The following STX8 variants were observed in gnomAD, a reference collection of about 807,000 sequenced individuals.
STX8 encodes the protein syntaxin-8.
Under a neutral mutation model 37.5 loss-of-function variants are expected in STX8, and 23 were observed. The observed-to-expected ratio is 0.61, with a 90% CI of 0.44 to 0.87. STX8 has a LOEUF of 0.87. Among genes scored for constraint, STX8 ranks in the 40% least tolerant of loss-of-function variants. The pLI is 0.00. For synonymous variants in STX8, 115 were observed against 99.1 expected, an observed-to-expected ratio of 1.16 and a Z score of -0.95; for missense variants, 313 against 284.7, an observed-to-expected ratio of 1.10 and a Z score of -0.71.
At chr17:9,450,599 A>G (rs1342047190) in intron 6 of STX8, among the ~76,000 whole-genome samples, 1 of 151,708 alleles carries the variant, frequency 6.6e-6, no homozygotes, top group Non-Finnish European at 1.5e-5. Context: ...GACTTCCTCT[A>G]ATTTTTACCG....
intron 7 of STX8, among the ~76,000 whole-genome samples, chr17:9,256,709 G>C: frequency 6.6e-6 from 1 of 152,318 alleles, no homozygotes; most frequent in African/African-American, 2.4e-5. Context: ...GGCAGAGGCA[G>C]GGAAGAGCTG....
intron 6 of STX8, among the ~76,000 whole-genome samples, chr17:9,460,260 A>G (rs147260493): frequency 6.6e-6 from 1 of 152,352 alleles, no homozygotes; most frequent in East Asian, 1.9e-4. Context: ...CCCTCACTCC[A>G]CAATCATATC....
chr17:9,387,902 C>A (rs1912072484), intron 6 of STX8, among the ~76,000 whole-genome samples: 1 of 152,038 alleles, frequency 6.6e-6, no homozygotes, highest in South Asian at 2.1e-4. Context: ...TATAAATATT[C>A]ATAATATGAC....
chr17:9,462,081 G>T (rs1353358127), intron 6 of STX8, among the ~76,000 whole-genome samples: 4 of 152,178 alleles, frequency 2.6e-5, no homozygotes, highest in Non-Finnish European at 5.9e-5. Flanking sequence ...CTCCTGCTGT[G>T]CAACCTGGTT....
At chr17:9,388,367 C>T (rs1379477035) in intron 6 of STX8, among the ~76,000 whole-genome samples, 4 of 151,390 alleles carry the variant, frequency 2.6e-5, no homozygotes, top group African/African-American at 9.7e-5. Flanking sequence ...CCACCATGCC[C>T]GGCCTAAACA....
intron 6 of STX8, among the ~76,000 whole-genome samples, chr17:9,436,703 T>A (rs941071509): frequency 2.0e-5 from 3 of 152,198 alleles, no homozygotes; most frequent in Admixed American, 2.0e-4. Flanking sequence ...CTGAAAGATG[T>A]TTGGCCTGTA....
chr17:9,572,489 A>G (rs1327797236), intron 1 of STX8, among the ~76,000 whole-genome samples: 1 of 152,168 alleles, frequency 6.6e-6, no homozygotes, highest in African/African-American at 2.4e-5. Context: ...GGCTCACTGC[A>G]ACCTCCACCT....
intron 7 of STX8, among the ~76,000 whole-genome samples, chr17:9,254,174 G>A (rs117150385): frequency 0.011 from 1,734 of 152,290 alleles, 15 homozygotes; most frequent in South Asian, 0.022. Flanking sequence ...CACTCTGCGC[G>A]CTGTGTTTGA....
intron 6 of STX8, among the ~76,000 whole-genome samples, chr17:9,430,474 T>C (rs910849693): frequency 1.3e-5 from 2 of 151,752 alleles, no homozygotes; most frequent in African/African-American, 4.8e-5. Flanking sequence ...AATCATACAA[T>C]ATTTGTCTTT....
At chr17:9,250,765 G>A (rs1368078782) in intron 7 of STX8, 120 bp from the exon 8 acceptor site, 8 of 1,034,254 alleles carry the variant, frequency 7.7e-6, no homozygotes, top group South Asian at 4.2e-5. Context: ...CAGTTTGTAC[G>A]AAGTGGAGAG....
chr17:9,506,501 A>G (rs541915025), intron 4 of STX8, among the ~76,000 whole-genome samples: 2 of 146,466 alleles, frequency 1.4e-5, no homozygotes, highest in Non-Finnish European at 3.0e-5. Context: ...GCTGAACTGC[A>G]GTGGGGAAGT....
At chr17:9,562,378 C>T (rs1446546445) in intron 2 of STX8, among the ~76,000 whole-genome samples, 3 of 151,534 alleles carry the variant, frequency 2.0e-5, no homozygotes, top group Non-Finnish European at 4.4e-5. Context: ...CGCACTCCAG[C>T]CTGGGCGACA....
At chr17:9,535,424 C>CT (rs35962202) in intron 4 of STX8, among the ~76,000 whole-genome samples, 28,493 of 50,588 alleles carry the variant, frequency 0.56, 11,604 homozygotes, top group Non-Finnish European at 0.65. Context: ...AGCCATCCTA[C>CT]TTTTTTTTTT....
chr17:9,509,525 T>A (rs1162644205), intron 4 of STX8, among the ~76,000 whole-genome samples: 1 of 152,060 alleles, frequency 6.6e-6, no homozygotes, highest in Non-Finnish European at 1.5e-5. Flanking sequence ...TAGACCAGTC[T>A]TACAAGAAGT....
At position 9,378,401 on chromosome 17, in the gene STX8, T is replaced by C. The variant is rs563569780; in HGVS notation, c.643+151A>G. On this transcript the variant is annotated intron_variant, in intron 7 of 7. Transcript: ENST00000306357. ...ATTTCATTTTGACCAGATTTAACCA[T>C]TGTTTAGCAATTTCAGTGCTTCATC... 13 of 640,718 alleles carry C rather than the reference T, an allele frequency of 2.0e-5. No individual in the cohort carries two copies. In the East Asian group the frequency reaches 2.7e-4, roughly 13 times the overall value. 39.7% of individuals were successfully genotyped at this position (640,718 alleles called of 1,614,324 possible).
At chr17:9,491,285 C>T (rs916245099) in intron 6 of STX8, among the ~76,000 whole-genome samples, 3 of 141,632 alleles carry the variant, frequency 2.1e-5, no homozygotes, top group African/African-American at 8.9e-5. Context: ...CCCTACAACC[C>T]ATCCAGGCCC....
intron 7 of STX8, among the ~76,000 whole-genome samples, chr17:9,274,999 C>T (rs535157924): frequency 1.3e-5 from 2 of 152,112 alleles, no homozygotes; most frequent in East Asian, 3.9e-4. Flanking sequence ...AATCCGCCCG[C>T]CTTGGCCTCC....
intron 4 of STX8, among the ~76,000 whole-genome samples, chr17:9,542,462 G>A (rs1432852315): frequency 6.6e-6 from 1 of 152,112 alleles, no homozygotes; most frequent in East Asian, 1.9e-4. Flanking sequence ...CAGATCACGA[G>A]GTCAGGAAAT....
chr17:9,503,588 T>C (rs1904706706), intron 5 of STX8, among the ~76,000 whole-genome samples: 1 of 152,222 alleles, frequency 6.6e-6, no homozygotes, highest in Non-Finnish European at 1.5e-5. Flanking sequence ...CCTAGGCTGG[T>C]GTCAAACTCC....
Sources: gnomAD v4.1 joint callset for allele counts (sites outside exome capture counted in the v4.1 genomes callset) on GRCh38, gnomAD v4.1.1 for gene constraint, MANE v1.5 for transcripts, NCBI Gene and HGNC (gene_info 2026-07-23, HGNC 2026-07-21) for gene names.